FOXP2: variants seen among roughly 807,000 people sequenced by gnomAD.
FOXP2 encodes forkhead box protein P2.
In FOXP2, 12 loss-of-function variants were observed where a neutral mutation model predicts 115.8. The observed-to-expected ratio is 0.10, with a 90% confidence interval of 0.07 to 0.17. The LOEUF is 0.17. Among genes scored for constraint, FOXP2 ranks in the 10% least tolerant of loss-of-function variants. The pLI is 1.00. For synonymous variants in FOXP2, 328 were observed against 297.7 expected, an observed-to-expected ratio of 1.10 and a Z score of -1.05; for missense variants, 629 against 843.5, an observed-to-expected ratio of 0.75 and a Z score of 3.15.
At chr7:114,299,266 A>G (rs118137808) in intron 2 of FOXP2, among the ~76,000 whole-genome samples, 5 of 152,220 alleles carry the variant, frequency 3.3e-5, no homozygotes, top group Non-Finnish European at 7.4e-5. Flanking sequence ...GTGAAGATGT[A>G]TGGACACCCT....
intron 1 of FOXP2, among the ~76,000 whole-genome samples, chr7:114,241,918 A>G (rs1403173171): frequency 6.6e-6 from 1 of 151,188 alleles, no homozygotes; most frequent in Non-Finnish European, 1.5e-5. Context: ...CCCATCCTTG[A>G]AATCTTCTAG....
chr7:114,098,386 G>A (rs1356009145), intron 1 of FOXP2, among the ~76,000 whole-genome samples: 1 of 152,104 alleles, frequency 6.6e-6, no homozygotes, highest in Admixed American at 6.6e-5. Context: ...CAGACACATA[G>A]ACCAGTGGAA....
intron 2 of FOXP2, among the ~76,000 whole-genome samples, chr7:114,339,761 G>T (rs1203144384): frequency 6.6e-6 from 1 of 151,114 alleles, no homozygotes; most frequent in Non-Finnish European, 1.5e-5. Flanking sequence ...TGTGTTAAAA[G>T]CATCCAATTT....
rs147854196 is a variant in FOXP2 at position 114,394,394 on chromosome 7, T to TACACAC, written c.-10-32086_-10-32081dup. ...GAATAAAGGGAGAAATATGAATCTATACACACACACACACACACACACACA... is the reference window on the plus strand; with the variant it reads ...GAATAAAGGGAGAAATATGAATCTATACACACACACACACACACACACACACACACA... On this transcript the variant is annotated intron_variant, in intron 2 of 17. Transcript: ENST00000634411. 7.4e-3 allele frequency among the ~76,000 whole-genome samples: 1,082 copies of TACACAC among 146,662 alleles called. 12 individuals are homozygous for TACACAC. Among genetic ancestry groups the TACACAC allele is most frequent in the African/African-American group, 0.025 (995 of 40,014 alleles).
At chr7:114,133,587 C>T (rs1038466216) in intron 1 of FOXP2, among the ~76,000 whole-genome samples, 2 of 152,078 alleles carry the variant, frequency 1.3e-5, no homozygotes, top group African/African-American at 2.4e-5. Context: ...TTTGTCCCCA[C>T]GAAAACTCAT....
At chr7:114,164,023 T>C (rs1200458993) in intron 1 of FOXP2, among the ~76,000 whole-genome samples, 2 of 152,204 alleles carry the variant, frequency 1.3e-5, no homozygotes, top group African/African-American at 4.8e-5. Context: ...TGCATACAGT[T>C]ATCTCCAAAA....
At chr7:114,268,730 GTA>G (rs1491385368) in intron 1 of FOXP2, among the ~76,000 whole-genome samples, 6 of 144,628 alleles carry the variant, frequency 4.1e-5, no homozygotes, top group East Asian at 4.0e-4. Flanking sequence ...GTGTGTGTGT[GTA>G]TGTGTGTATT....
chr7:114,432,443 C>T (rs1794152765), intron 2 of FOXP2, among the ~76,000 whole-genome samples: 1 of 151,886 alleles, frequency 6.6e-6, no homozygotes, highest in African/African-American at 2.4e-5. Flanking sequence ...ATTCAAATGA[C>T]CTCATTACTT....
At chr7:114,573,048 G>C (rs34874847) in intron 3 of FOXP2, among the ~76,000 whole-genome samples, 2 of 151,924 alleles carry the variant, frequency 1.3e-5, no homozygotes, top group African/African-American at 4.8e-5. Flanking sequence ...AAGAGCACCA[G>C]TATGAGTTAG....
chr7:114,278,554 A>G (rs960505346), intron 1 of FOXP2, among the ~76,000 whole-genome samples: 1 of 152,082 alleles, frequency 6.6e-6, no homozygotes, highest in Non-Finnish European at 1.5e-5. Context: ...GGGTTTCACC[A>G]TGTTGGCCAG....
At chr7:114,433,713 C>T (rs1176144580) in intron 2 of FOXP2, among the ~76,000 whole-genome samples, 1 of 151,850 alleles carries the variant, frequency 6.6e-6, no homozygotes, top group Non-Finnish European at 1.5e-5. Flanking sequence ...TACATATGTG[C>T]TTTGACTATG....
At chr7:114,543,279 G>A (rs528546213) in intron 3 of FOXP2, among the ~76,000 whole-genome samples, 50 of 152,130 alleles carry the variant, frequency 3.3e-4, no homozygotes, top group African/African-American at 1.2e-3. Flanking sequence ...TTTAGATGAG[G>A]TAGAAACCAC....
At chr7:114,559,528 A>C (rs1800647121) in intron 3 of FOXP2, among the ~76,000 whole-genome samples, 1 of 152,214 alleles carries the variant, frequency 6.6e-6, no homozygotes, top group Non-Finnish European at 1.5e-5. Flanking sequence ...AACAGGGTGA[A>C]AAATCTGAAC....
intron 3 of FOXP2, among the ~76,000 whole-genome samples, chr7:114,605,007 CAT>C (rs1472157660): frequency 1.3e-5 from 2 of 152,134 alleles, no homozygotes; most frequent in African/African-American, 4.8e-5. Flanking sequence ...TCACAAATGA[CAT>C]AATGCCATTA....
At chr7:114,213,896 A>T (rs1352199503) in intron 1 of FOXP2, among the ~76,000 whole-genome samples, 1 of 152,238 alleles carries the variant, frequency 6.6e-6, no homozygotes, top group Non-Finnish European at 1.5e-5. Flanking sequence ...TGAACTTGCA[A>T]CAGATTTAGT....
At chr7:114,538,626 T>G (rs1170684823) in intron 3 of FOXP2, among the ~76,000 whole-genome samples, 1 of 151,738 alleles carries the variant, frequency 6.6e-6, no homozygotes, top group Non-Finnish European at 1.5e-5. Flanking sequence ...AGGAAGTTAC[T>G]TGACATCTTT....
intron 1 of FOXP2, among the ~76,000 whole-genome samples, chr7:114,091,142 A>G (rs1799535127): frequency 6.6e-6 from 1 of 151,798 alleles, no homozygotes; most frequent in African/African-American, 2.4e-5. Context: ...TATTTTTTAT[A>G]TACTATTTTG....
At chr7:114,599,656 T>A (rs1420324283) in intron 3 of FOXP2, among the ~76,000 whole-genome samples, 2 of 152,138 alleles carry the variant, frequency 1.3e-5, no homozygotes, top group Non-Finnish European at 2.9e-5. Context: ...GGTTTTACAG[T>A]CCAAGAACAG....
intron 2 of FOXP2, among the ~76,000 whole-genome samples, chr7:114,289,951 A>C (rs1437815573): frequency 6.6e-6 from 1 of 151,882 alleles, no homozygotes; most frequent in East Asian, 1.9e-4. Flanking sequence ...TGGAGAAGCA[A>C]AGATTTTGGG....
Sources: allele counts gnomAD v4.1 joint callset (sites outside exome capture counted in the v4.1 genomes callset), GRCh38; gene constraint gnomAD v4.1.1; transcripts MANE v1.5; gene names NCBI Gene and HGNC (gene_info 2026-07-23, HGNC 2026-07-21).